Variants in FRMPD4 observed in about 807,000 individuals in gnomAD.
FRMPD4 encodes FERM and PDZ domain-containing protein 4.
FRMPD4 carries 22 observed loss-of-function variants against 94.1 expected under a neutral mutation model. The observed-to-expected ratio is 0.23, with a 90% CI of 0.17 to 0.33. The LOEUF is 0.33. FRMPD4 is among the 10% of genes least tolerant of loss of function. The probability of loss-of-function intolerance (pLI) is 1.00; values close to 1 mark genes in which losing one functional copy is unlikely to be tolerated. For missense variants in FRMPD4, 1,111 were observed against 1,339.9 expected, an observed-to-expected ratio of 0.83 and a Z score of 2.67; for synonymous variants, 631 against 548.6, an observed-to-expected ratio of 1.15 and a Z score of -2.10.
chrX:12,153,188 G>A (rs1255210825), intron 1 of FRMPD4, among the ~76,000 whole-genome samples: 4 of 110,770 alleles, frequency 3.6e-5, no homozygotes, highest in South Asian at 3.8e-4. Context: ...CACCCGCCTC[G>A]GCCTCCCAAA....
chrX:11,837,143 A>C (rs1274405248), intron 1 of FRMPD4, among the ~76,000 whole-genome samples: 1 of 112,134 alleles, frequency 8.9e-6, no homozygotes, highest in Non-Finnish European at 1.9e-5. Flanking sequence ...CTTTCTGGGC[A>C]GAGTTTAAGC....
intron 3 of FRMPD4, among the ~76,000 whole-genome samples, chrX:12,001,051 G>T (rs776797104): frequency 8.9e-6 from 1 of 111,776 alleles, no homozygotes; most frequent in South Asian, 3.7e-4. Context: ...GTGCTGTTCT[G>T]GTCTCTATTG....
At chrX:12,442,185 G>A (rs1192667076) in intron 1 of FRMPD4, among the ~76,000 whole-genome samples, 5 of 11,284 alleles carry the variant, frequency 4.4e-4, no homozygotes, top group Non-Finnish European at 4.6e-4. Flanking sequence ...TAAAATATAT[G>A]GTTGGTTATA....
At chrX:12,467,657 G>C (rs1265121398) in intron 1 of FRMPD4, among the ~76,000 whole-genome samples, 1 of 112,278 alleles carries the variant, frequency 8.9e-6, no homozygotes, top group Non-Finnish European at 1.9e-5. Flanking sequence ...AATGGAAAGT[G>C]CTTTTTGAGG....
chrX:12,139,519 TAGA>T (rs1307870378), intron 1 of FRMPD4, among the ~76,000 whole-genome samples: 1 of 97,543 alleles, frequency 1.0e-5, no homozygotes, highest in Non-Finnish European at 2.0e-5. Context: ...GTCATGTAGA[TAGA>T]AGAGAAAGAC....
intron 1 of FRMPD4, among the ~76,000 whole-genome samples, chrX:12,410,249 A>C: frequency 9.0e-6 from 1 of 111,662 alleles, no homozygotes; most frequent in South Asian, 3.8e-4. Flanking sequence ...TACTGAGTTT[A>C]GTGTGAATAT....
intron 2 of FRMPD4, among the ~76,000 whole-genome samples, chrX:12,601,917 C>T (rs1172956220): frequency 9.0e-6 from 1 of 111,182 alleles, no homozygotes; most frequent in Non-Finnish European, 1.9e-5. Flanking sequence ...CTCAGCCAAG[C>T]TGCTCAGACT....
intron 3 of FRMPD4, among the ~76,000 whole-genome samples, chrX:12,032,622 G>A (rs1485008529): frequency 9.0e-6 from 1 of 111,676 alleles, no homozygotes; most frequent in African/African-American, 3.3e-5. Context: ...AAACGAGAGT[G>A]GAAAATTGGA....
intron 1 of FRMPD4, among the ~76,000 whole-genome samples, chrX:12,457,068 A>G (rs983294863): frequency 1.8e-5 from 2 of 111,975 alleles, no homozygotes; most frequent in African/African-American, 6.5e-5. Context: ...CTGAGAGAGG[A>G]CTCTATCTAA....
At chrX:12,610,372 T>C (rs1446581196) in intron 3 of FRMPD4, among the ~76,000 whole-genome samples, 1 of 112,833 alleles carries the variant, frequency 8.9e-6, no homozygotes, top group African/African-American at 3.2e-5. Flanking sequence ...CAACGGCATA[T>C]TAGCAAAGAT....
intron 1 of FRMPD4, among the ~76,000 whole-genome samples, chrX:12,440,563 A>C (rs1051823484): frequency 3.6e-5 from 4 of 111,493 alleles, no homozygotes; most frequent in African/African-American, 1.3e-4. Flanking sequence ...TGCATCTCTC[A>C]GTTAGTGATT....
intron 2 of FRMPD4, among the ~76,000 whole-genome samples, chrX:12,584,655 G>A (rs1157044487): frequency 5.3e-5 from 6 of 112,205 alleles, no homozygotes; most frequent in Admixed American, 9.4e-5. Flanking sequence ...CTTCTGCTTC[G>A]TCAATATCTG....
chrX:12,122,218 T>C (rs2055460917), intron 3 of FRMPD4, among the ~76,000 whole-genome samples: 1 of 108,354 alleles, frequency 9.2e-6, no homozygotes, highest in African/African-American at 3.3e-5. Flanking sequence ...GACTGTAATA[T>C]CCCCCTTAGC....
intron 1 of FRMPD4, among the ~76,000 whole-genome samples, chrX:12,240,365 G>A (rs2057115487): frequency 8.9e-6 from 1 of 112,297 alleles, no homozygotes; most frequent in African/African-American, 3.2e-5. Flanking sequence ...ACTCAAGCAT[G>A]TATCCCCAGT....
chrX:12,533,918 C>A (rs1462668256), intron 2 of FRMPD4, among the ~76,000 whole-genome samples: 4 of 112,757 alleles, frequency 3.5e-5, no homozygotes, highest in Admixed American at 1.9e-4. Flanking sequence ...CAGAAATTTG[C>A]ACAAGTAACA....
chrX:12,702,124 G>A lies in FRMPD4; in HGVS notation c.1070+114G>A, dbSNP rs2041797387. On this transcript the variant is annotated intron_variant, in intron 10 of 16. Coordinates refer to ENST00000675598, the MANE Select transcript of FRMPD4 (RefSeq NM_001368397.1). The stretch of plus-strand genomic sequence containing the variant: ...CTTGTTTGTGTCAAAGCATTCATTC[G>A]CCAGTGGCAAAATGTATGAATATCA... 24 of 701,555 alleles carry A rather than the reference G, an allele frequency of 3.4e-5. No individual in the cohort carries two copies. In the East Asian group the frequency reaches 6.8e-4, roughly 20 times the overall value. The allele number at this position is 701,555 out of a possible 1,213,427, so 57.8% of individuals were successfully genotyped here. A position where few individuals can be genotyped will look rare whatever the true frequency, so the allele number is the denominator to read the frequency against.
At chrX:12,531,264 A>T (rs1397016372) in intron 2 of FRMPD4, among the ~76,000 whole-genome samples, 1 of 112,476 alleles carries the variant, frequency 8.9e-6, no homozygotes, top group Non-Finnish European at 1.9e-5. Context: ...AATGTTATGC[A>T]AAGTCTGGCC....
intron 3 of FRMPD4, among the ~76,000 whole-genome samples, chrX:12,121,715 G>A (rs1281097144): frequency 9.0e-6 from 1 of 111,684 alleles, no homozygotes; most frequent in Non-Finnish European, 1.9e-5. Flanking sequence ...TGGTTCCCCA[G>A]GCAATGCCAT....
At chrX:12,064,781 G>T (rs761914629) in intron 3 of FRMPD4, among the ~76,000 whole-genome samples, 1 of 111,826 alleles carries the variant, frequency 8.9e-6, no homozygotes, top group East Asian at 2.8e-4. Flanking sequence ...ATTTATTCTG[G>T]AGCTTTATAC....
Sources: gnomAD v4.1 joint callset for allele counts (sites outside exome capture counted in the v4.1 genomes callset) on GRCh38, gnomAD v4.1.1 for gene constraint, MANE v1.5 for transcripts, NCBI Gene and HGNC (gene_info 2026-07-23, HGNC 2026-07-21) for gene names.